CPSF6: variants seen among roughly 807,000 people sequenced by gnomAD.
The protein encoded by CPSF6 is cleavage and polyadenylation specific factor 6, also known as cleavage and polyadenylation specificity factor subunit 6.
In CPSF6, 10 loss-of-function variants were observed where a neutral mutation model predicts 56.7. The observed-to-expected ratio is 0.18, with a 90% CI of 0.11 to 0.30. The LOEUF (loss-of-function observed/expected upper bound fraction) is 0.30. Ranked by LOEUF, CPSF6 falls within the 10% of genes least tolerant of loss-of-function variation. The pLI is 1.00. For synonymous variants in CPSF6, 248 were observed against 244.8 expected (o/e 1.01, Z -0.12); for missense variants, 419 against 722.9 (o/e 0.58, Z 4.82).
Position 69,253,043 on chromosome 12 carries a change from T to C in CPSF6, c.271-8T>C, listed in dbSNP as rs566864815. On this transcript the variant is annotated splice_polypyrimidine_tract_variant and splice_region_variant and intron_variant, in intron 2 of 9. Transcript: ENST00000435070. ...TTAATGGTTAATGAGGGGGAAAATA[T>C]CTTGCAGTGGACAACAGATGAAGAC... The C allele has an allele frequency of 5.3e-5, 79 of 1,484,410 alleles. No homozygotes were observed. The Middle Eastern group carries it at 1.1e-3, about 20-fold the overall frequency. The allele number at this position is 1,484,410 out of a possible 1,614,324, so 92.0% of individuals were successfully genotyped here.
chr12:69,257,640 T>G, intron 4 of CPSF6, 92 bp from the exon 5 acceptor site: 1 of 1,188,920 alleles, frequency 8.4e-7, no homozygotes, highest in Admixed American at 2.5e-5. Flanking sequence ...CAAGTTAATA[T>G]ATTAGAAATA....
At chr12:69,256,459 C>T (rs558235498) in intron 3 of CPSF6, among the ~76,000 whole-genome samples, 1 of 152,198 alleles carries the variant, frequency 6.6e-6, no homozygotes, top group South Asian at 2.1e-4. Flanking sequence ...GACAGGATCT[C>T]ACTGTGTTGC....
intron 8 of CPSF6, 80 bp from the exon 9 acceptor site, chr12:69,262,292 GT>G (rs1422224478): frequency 2.8e-6 from 4 of 1,427,786 alleles, no homozygotes; most frequent in South Asian, 1.8e-5. Context: ...TGCTGCCTAA[GT>G]TTTTTTAGAC....
chr12:69,258,962 A>G lies in CPSF6; in HGVS notation c.1067A>G (p.His356Arg). 6.2e-7 allele frequency: 1 copy of G among 1,613,978 alleles called. No homozygotes were observed. Among genetic ancestry groups the G allele is most frequent in the Non-Finnish European group, 8.5e-7 (1 of 1,180,038 alleles). ...CCAGGTGCCCCACCGCCAGCTCCGC[A>G]TGTGAACCCAGCTTTCTTTCCTCCA... Reference protein sequence around the residue: ...PPPGAPPPAPHVNPAFFPPPT... With the variant: ...PPPGAPPPAPRVNPAFFPPPT... Residue 356 changes from histidine to arginine, a missense_variant, in exon 6 of 10, where the codon CAT becomes CGT. Transcript: ENST00000435070. The surrounding 1 kb of genome is among the most constrained non-coding windows in gnomAD (Gnocchi z 4.2).
intron 3 of CPSF6, 120 bp from the exon 4 acceptor site, chr12:69,256,577 A>T: frequency 1.0e-6 from 1 of 966,308 alleles, no homozygotes; most frequent in Non-Finnish European, 1.5e-6. Flanking sequence ...TACAGGCATG[A>T]GCCACTGTGC....
intron 4 of CPSF6, 59 bp from the exon 5 acceptor site, chr12:69,257,673 T>A: frequency 6.7e-7 from 1 of 1,491,802 alleles, no homozygotes; most frequent in South Asian, 1.2e-5. Context: ...ATAATAGTGG[T>A]TACATTTCAG....
chr12:69,271,070 C>T lies in CPSF6; in HGVS notation c.*1562C>T, dbSNP rs1227547606. On this transcript the variant is annotated 3_prime_UTR_variant, in exon 10 of 10. Coordinates refer to ENST00000435070, the MANE Select transcript of CPSF6 (RefSeq NM_007007.3). ...CTGTTCTTCACTTTCATCTTGTCTG[C>T]TATCAAACCACTTCTGACAAAATTA... 1 of 151,992 alleles carries T rather than the reference C, an allele frequency of 6.6e-6. No homozygotes were observed. The highest frequency in any genetic ancestry group is 1.5e-5 in the Non-Finnish European group (1 of 67,696). 9.4% of individuals were successfully genotyped at this position (151,992 alleles called of 1,614,324 possible).
intron 1 of CPSF6, among the ~76,000 whole-genome samples, chr12:69,246,945 A>G (rs1243091554): frequency 6.6e-6 from 1 of 151,694 alleles, no homozygotes; most frequent in Non-Finnish European, 1.5e-5. Flanking sequence ...ATTAACAGGC[A>G]TGAACCACCA....
chr12:69,241,349 G>C (rs1057220117), intron 1 of CPSF6, among the ~76,000 whole-genome samples: 1 of 152,122 alleles, frequency 6.6e-6, no homozygotes, highest in Admixed American at 6.5e-5. Context: ...AGACCTCTAG[G>C]AAATTTTTTT....
At chr12:69,242,974 G>C (rs1871704277) in intron 1 of CPSF6, among the ~76,000 whole-genome samples, 1 of 152,062 alleles carries the variant, frequency 6.6e-6, no homozygotes, top group Non-Finnish European at 1.5e-5. Flanking sequence ...CGAGTATGGT[G>C]GTGCCTGCCT....
intron 1 of CPSF6, among the ~76,000 whole-genome samples, chr12:69,249,067 T>C (rs1872067476): frequency 6.7e-6 from 1 of 148,208 alleles, no homozygotes; most frequent in South Asian, 2.1e-4. Flanking sequence ...TAACCCATCC[T>C]GCCTAACACG....
At position 69,274,069 on chromosome 12, in the gene CPSF6, T is replaced by C. The variant is rs1359569238; in HGVS notation, c.*4561T>C. ...ACTCTATGGTGACTTCACAATAAGA[T>C]TTCTGTGCAAAAAGGTAAGGTGATA... On this transcript the variant is annotated 3_prime_UTR_variant, in exon 10 of 10. Transcript: ENST00000435070. The C allele has an allele frequency of 1.3e-5, 2 of 151,516 alleles. No homozygotes were observed. Among genetic ancestry groups the C allele is most frequent in the South Asian group, 4.1e-4 (2 of 4,820 alleles). 9.4% of individuals were successfully genotyped at this position (151,516 alleles called of 1,614,324 possible).
chr12:69,243,647 C>G (rs1434381234), intron 1 of CPSF6, among the ~76,000 whole-genome samples: 1 of 152,058 alleles, frequency 6.6e-6, no homozygotes, highest in Admixed American at 6.6e-5. Flanking sequence ...AAAAGTGGCA[C>G]ACTTGTGTAG....
chr12:69,243,259 T>A (rs188568518), intron 1 of CPSF6, among the ~76,000 whole-genome samples: 1 of 152,280 alleles, frequency 6.6e-6, no homozygotes, highest in East Asian at 1.9e-4. Context: ...CCACTTTCTG[T>A]GGTTTCAGTT....
Position 69,273,005 on chromosome 12 carries a change from A to G in CPSF6, c.*3497A>G. 1 of 251,882 alleles carries G rather than the reference A, an allele frequency of 4.0e-6. No individual in the cohort carries two copies. The highest frequency in any genetic ancestry group is 4.3e-5 in the South Asian group (1 of 23,300). 15.6% of individuals were successfully genotyped at this position (251,882 alleles called of 1,614,324 possible). The stretch of plus-strand genomic sequence containing the variant: ...TGATTTTTTCAATAAATATTCAACC[A>G]AAAATTATAAATTTATTAAGATGTG... On this transcript the variant is annotated 3_prime_UTR_variant, in exon 10 of 10. Transcript: ENST00000435070.
intron 7 of CPSF6, among the ~76,000 whole-genome samples, 186 bp from the exon 8 acceptor site, chr12:69,259,858 G>C (rs552595339): frequency 1.3e-5 from 2 of 152,316 alleles, no homozygotes; most frequent in South Asian, 4.1e-4. Flanking sequence ...ATAATAAGTT[G>C]AGTCAATATC....
At chr12:69,267,617 T>A (rs1260542252) in intron 9 of CPSF6, among the ~76,000 whole-genome samples, 1 of 151,926 alleles carries the variant, frequency 6.6e-6, no homozygotes. Context: ...AATATGGAAT[T>A]GGATTATTGG....
chr12:69,257,151 T>C (rs1176688890), intron 4 of CPSF6, among the ~76,000 whole-genome samples: 1 of 152,218 alleles, frequency 6.6e-6, no homozygotes. Flanking sequence ...TTCTAATTCT[T>C]AGATTAAAGG....
intron 3 of CPSF6, chr12:69,254,987 A>G (rs974156834): frequency 2.6e-5 from 4 of 152,198 alleles, no homozygotes; most frequent in African/African-American, 4.8e-5. Flanking sequence ...AACCATTACC[A>G]CTGTCTCATT....
Sources: gnomAD v4.1 joint callset for allele counts (sites outside exome capture counted in the v4.1 genomes callset) on GRCh38, gnomAD v4.1.1 for gene constraint, Gnocchi (gnomAD v3.1) non-coding constraint, MANE v1.5 for transcripts, NCBI Gene and HGNC (gene_info 2026-07-23, HGNC 2026-07-21) for gene names.